The following SAMD3 variants were observed in gnomAD, a reference collection of about 807,000 sequenced individuals.
The protein encoded by SAMD3 is sterile alpha motif domain containing 3.
A neutral mutation model predicts 58.5 loss-of-function variants in SAMD3; 63 were observed. That is an observed-to-expected ratio of 1.08 (90% CI 0.88 to 1.33). The LOEUF (loss-of-function observed/expected upper bound fraction) is 1.33. SAMD3 is among the 40% of genes most tolerant of loss of function. The probability of loss-of-function intolerance (pLI) is 0.00; values close to 1 mark genes in which losing one functional copy is unlikely to be tolerated. For synonymous variants in SAMD3, 220 were observed against 210.3 expected, an observed-to-expected ratio of 1.05 and a Z score of -0.40; for missense variants, 604 against 608.4, an observed-to-expected ratio of 0.99 and a Z score of 0.08.
At chr6:130,207,931 G>A (rs532533320) in intron 5 of SAMD3, among the ~76,000 whole-genome samples, 61 of 152,332 alleles carry the variant, frequency 4.0e-4, no homozygotes, top group African/African-American at 1.4e-3. Flanking sequence ...GCTCTTCTCT[G>A]CACTCATAGG....
intron 5 of SAMD3, among the ~76,000 whole-genome samples, chr6:130,194,661 A>G (rs1226973883): frequency 7.9e-5 from 12 of 152,356 alleles, no homozygotes; most frequent in South Asian, 4.1e-4. Context: ...CTCACAGCCC[A>G]GAATTCCTCC....
chr6:130,365,605 A>G, upstream of SAMD3: 1 of 985,262 alleles, frequency 1.0e-6, no homozygotes, highest in Non-Finnish European at 1.2e-6. Context: ...GAACTGGGGG[A>G]GCCGGGTCCC....
chr6:130,257,453 ATTCAT>A lies in SAMD3; in HGVS notation c.-187-34645_-187-34641del, dbSNP rs533615572. ...AAATTGGTTTCATATAGTAGTTGTC[ATTCAT>A]TTCATTTATTTTTAAAATTAGAAGA... On this transcript the variant is annotated intron_variant, in intron 2 of 13. Transcript: ENST00000368134. Among the ~76,000 whole-genome samples the A allele has an allele frequency of 1.9e-3, 284 of 152,306 alleles. 1 individual carries two copies. The highest frequency in any genetic ancestry group is 0.01 in the Middle Eastern group (3 of 294).
At chr6:130,260,920 T>C (rs1439957695) in intron 2 of SAMD3, among the ~76,000 whole-genome samples, 1 of 152,190 alleles carries the variant, frequency 6.6e-6, no homozygotes, top group Non-Finnish European at 1.5e-5. Context: ...TGAGTGGAAG[T>C]GTGGTCTGAT....
chr6:130,198,222 A>T (rs1336783762), intron 5 of SAMD3, among the ~76,000 whole-genome samples: 3 of 152,172 alleles, frequency 2.0e-5, no homozygotes, highest in African/African-American at 7.2e-5. Flanking sequence ...GACGCGCATG[A>T]AAACAGGGTC....
Position 130,209,594 on chromosome 6 carries a change from T to C in SAMD3, c.284A>G (p.Glu95Gly), listed in dbSNP as rs767234438. ...CCCATGCCTGGCTGGACTGGAGGAC[T>C]CTTCATCCCTGTAACTAAGAAAGAA... is the stretch of plus-strand genomic sequence containing the variant. ...TEAARDYRDEESSSPARHGEQ... is the reference protein window; with the variant it reads ...TEAARDYRDEGSSSPARHGEQ... Residue 95 changes from glutamate to glycine, a missense_variant, in exon 5 of 12, where the codon GAG (glutamate) becomes GGG (glycine). Physicochemically the swap from Glu to Gly is moderately conservative, Grantham distance 98. Transcript: ENST00000439090. 5.0e-6 allele frequency: 8 copies of C among 1,611,022 alleles called. No individual in the cohort carries two copies. The highest frequency in any genetic ancestry group is 6.8e-6 in the Non-Finnish European group (8 of 1,177,270).
chr6:130,253,000 T>C (rs1427631017), intron 2 of SAMD3, among the ~76,000 whole-genome samples: 1 of 152,202 alleles, frequency 6.6e-6, no homozygotes, highest in Non-Finnish European at 1.5e-5. Flanking sequence ...TTTCCAGTAA[T>C]CAGACAGGTG....
chr6:130,308,649 G>C (rs1776033713), intron 2 of SAMD3, among the ~76,000 whole-genome samples: 1 of 152,020 alleles, frequency 6.6e-6, no homozygotes, highest in Non-Finnish European at 1.5e-5. Flanking sequence ...GATAAAGTCT[G>C]CCTCAAATCA....
intron 2 of SAMD3, among the ~76,000 whole-genome samples, chr6:130,293,832 T>C (rs1775466846): frequency 6.6e-6 from 1 of 151,964 alleles, no homozygotes; most frequent in African/African-American, 2.4e-5. Context: ...GTTTGTCTCG[T>C]GAGTCTCTAA....
intron 1 of SAMD3, among the ~76,000 whole-genome samples, chr6:130,364,812 T>C (rs754187218): frequency 6.6e-6 from 1 of 152,124 alleles, no homozygotes; most frequent in Non-Finnish European, 1.5e-5. Context: ...ATTTCTACAG[T>C]CTCTTCTCAT....
rs182736600 is a variant in SAMD3, at chr6:130,156,703, G to A, written c.823-1678C>T. Among the ~76,000 whole-genome samples, 193 of 152,214 alleles carry A rather than the reference G, an allele frequency of 1.3e-3. 1 individual carries two copies. The highest frequency in any genetic ancestry group is 6.8e-3 in the Middle Eastern group (2 of 294). ...AACAGTATGATTGTTGGGCACAGCA[G>A]CTCACACCCAGTAATCCCAATACTT... On this transcript the variant is annotated intron_variant, in intron 8 of 11. Coordinates refer to ENST00000439090, the MANE Select transcript of SAMD3 (RefSeq NM_001017373.4).
intron 1 of SAMD3, among the ~76,000 whole-genome samples, chr6:130,330,912 C>T (rs946947938): frequency 6.6e-6 from 1 of 152,176 alleles, no homozygotes; most frequent in Non-Finnish European, 1.5e-5. Flanking sequence ...ATCTGAAAAT[C>T]AGATTATTTG....
At chr6:130,353,470 T>C (rs1270320495) in intron 1 of SAMD3, among the ~76,000 whole-genome samples, 2 of 152,232 alleles carry the variant, frequency 1.3e-5, no homozygotes, top group Non-Finnish European at 2.9e-5. Flanking sequence ...AAAATTCTAA[T>C]TTCTATCACT....
At chr6:130,342,599 C>T (rs1777306690) in intron 1 of SAMD3, among the ~76,000 whole-genome samples, 1 of 152,090 alleles carries the variant, frequency 6.6e-6, no homozygotes, top group East Asian at 1.9e-4. Flanking sequence ...ATCAGCTAGA[C>T]AGGCTTTCAT....
chr6:130,146,855 C>T (rs1788676778), intron 9 of SAMD3, among the ~76,000 whole-genome samples: 1 of 152,076 alleles, frequency 6.6e-6, no homozygotes, highest in Non-Finnish European at 1.5e-5. Flanking sequence ...CGTGTATAGT[C>T]TCAGCTACTC....
rs546057312 is a variant in SAMD3 at position 130,185,248 on chromosome 6, T to A, written c.384-625A>T. Among the ~76,000 whole-genome samples the A allele has an allele frequency of 3.1e-3, 468 of 152,324 alleles. 4 individuals carry two copies. The highest frequency in any genetic ancestry group is 9.0e-3 in the African/African-American group (374 of 41,582). ...GGAGTTGCCTGGGGATGAGGGTGGA[T>A]AAAATGGGTAGTGATTATTTGTTGT... On this transcript the variant is annotated intron_variant, in intron 5 of 11. Transcript: ENST00000439090.
chr6:130,329,030 ATCTC>A, intron 1 of SAMD3, among the ~76,000 whole-genome samples: 1 of 144,496 alleles, frequency 6.9e-6, no homozygotes, highest in East Asian at 2.2e-4. Flanking sequence ...GTAGACCAAT[ATCTC>A]TCTCTCTCCC....
At chr6:130,166,172 T>A (rs1400980676) in intron 8 of SAMD3, among the ~76,000 whole-genome samples, 1 of 152,152 alleles carries the variant, frequency 6.6e-6, no homozygotes, top group Admixed American at 6.5e-5. Context: ...AGAGGGCAGA[T>A]GCTACAAGGG....
chr6:130,344,543 G>C (rs1777381210), intron 1 of SAMD3, among the ~76,000 whole-genome samples: 1 of 152,030 alleles, frequency 6.6e-6, no homozygotes, highest in Admixed American at 6.6e-5. Context: ...CATCAGGCCT[G>C]GCTAATTTTT....
Sources: gnomAD v4.1 joint callset for allele counts (sites outside exome capture counted in the v4.1 genomes callset) on GRCh38, gnomAD v4.1.1 for gene constraint, MANE v1.5 for transcripts, NCBI Gene and HGNC (gene_info 2026-07-23, HGNC 2026-07-21) for gene names.